The following KIFC1 variants were observed in gnomAD, a reference collection of about 807,000 sequenced individuals.
KIFC1 encodes kinesin family member C1.
Under a neutral mutation model 66.6 loss-of-function variants are expected in KIFC1, and 37 were observed. The ratio of observed to expected loss-of-function variants is 0.56; its 90% CI spans 0.43 to 0.73. The LOEUF (loss-of-function observed/expected upper bound fraction) is 0.73. KIFC1 is among the 30% of genes least tolerant of loss of function. The probability of loss-of-function intolerance (pLI) is 0.00; values close to 1 mark genes in which losing one functional copy is unlikely to be tolerated. For missense variants in KIFC1, 721 were observed against 859.8 expected (o/e 0.84, Z 2.02); for synonymous variants, 325 against 343.5 (o/e 0.95, Z 0.60).
In KIFC1 at chr6:33,400,547, T is replaced by A; in HGVS notation, c.250+2160T>A. The A allele has an allele frequency of 6.8e-7, 1 of 1,470,754 alleles. No individual in the cohort carries two copies. The highest frequency in any genetic ancestry group is 9.4e-7 in the Non-Finnish European group (1 of 1,060,130). 91.1% of individuals were successfully genotyped at this position (1,470,754 alleles called of 1,614,324 possible). A position where few individuals can be genotyped will look rare whatever the true frequency, so the allele number is the denominator to read the frequency against. ...ACCTTGATCTCGTTGGGGTCGAACTTCGGTGGCATGGTGGAGGCAGCTGGT... is the reference window on the plus strand; with the variant it reads ...ACCTTGATCTCGTTGGGGTCGAACTACGGTGGCATGGTGGAGGCAGCTGGT... On this transcript the variant is annotated intron_variant, in intron 3 of 10. Transcript: ENST00000428849. This position sits in a 1 kb window ranked among gnomAD's most constrained non-coding sequence, Gnocchi z 4.3.
chr6:33,394,424 C>A (rs1774931381), intron 1 of KIFC1, among the ~76,000 whole-genome samples: 1 of 152,134 alleles, frequency 6.6e-6, no homozygotes, highest in African/African-American at 2.4e-5. Context: ...GAGAAAGCTG[C>A]AAAAGGAGCA....
intron 3 of KIFC1, 100 bp downstream of exon 3, chr6:33,398,487 C>T: frequency 1.1e-6 from 1 of 947,438 alleles, no homozygotes; most frequent in Non-Finnish European, 1.6e-6. Context: ...TTTTTTGAGA[C>T]AGAGTCTCGC....
Position 33,403,168 on chromosome 6 carries a change from G to T in KIFC1, c.251-146G>T. On this transcript the variant is annotated intron_variant, in intron 3 of 10. Coordinates refer to ENST00000428849, the MANE Select transcript of KIFC1 (RefSeq NM_002263.4). The surrounding 1 kb of genome is among the most constrained non-coding windows in gnomAD (Gnocchi z 4.6). Reference sequence around the variant, plus strand: ...CTGGTTCTAGGGGAGGTATCATTAGGAGCTGGCCAGACTTAGGGATAAGGG... The same window carrying T: ...CTGGTTCTAGGGGAGGTATCATTAGTAGCTGGCCAGACTTAGGGATAAGGG... The T allele has an allele frequency of 1.4e-6, 1 of 735,786 alleles. No homozygotes were observed. Among genetic ancestry groups the T allele is most frequent in the East Asian group, 2.5e-5 (1 of 40,472 alleles). The allele number at this position is 735,786 out of a possible 1,614,324, so 45.6% of individuals were successfully genotyped here.
intron 1 of KIFC1, among the ~76,000 whole-genome samples, chr6:33,395,035 T>C (rs535733770): frequency 6.6e-6 from 1 of 152,288 alleles, no homozygotes; most frequent in East Asian, 1.9e-4. Flanking sequence ...TTGTATCAGA[T>C]GCTGTTTGAT....
rs745973522 is a variant in KIFC1 at position 33,405,596 on chromosome 6, A to G, written c.1501A>G (p.Asn501Asp). ...GPGSEELTVT[N>D]ARYVPVSCEK... The stretch of plus-strand genomic sequence containing the variant: ...AGGGAGTGAGGAGCTCACTGTCACC[A>G]ATGCTCGATATGTCCCTGTCTCCTG... Residue 501 changes from asparagine (N) to aspartate (D), a missense_variant, in exon 7 of 11, where the codon AAT becomes GAT. Asn to Asp is a conservative substitution (Grantham distance 23). Transcript: ENST00000428849. This position sits in a 1 kb window ranked among gnomAD's most constrained non-coding sequence, Gnocchi z 5.4. 2 of 1,542,564 alleles carry G rather than the reference A, an allele frequency of 1.3e-6. No homozygotes were observed. Among genetic ancestry groups the G allele is most frequent in the Non-Finnish European group, 1.7e-6 (2 of 1,148,000 alleles).
At chr6:33,392,991 C>T (rs1466656415) in intron 1 of KIFC1, among the ~76,000 whole-genome samples, 2 of 152,088 alleles carry the variant, frequency 1.3e-5, no homozygotes, top group African/African-American at 4.8e-5. Context: ...ATATAACTGC[C>T]AGAAGGCCGT....
At chr6:33,409,542 G>C in intron 10 of KIFC1, 104 bp from the exon 11 acceptor site, 5 of 1,170,578 alleles carry the variant, frequency 4.3e-6, no homozygotes, top group Non-Finnish European at 6.4e-6. Context: ...CCTTATTTCG[G>C]TATTTCTGAG....
At position 33,405,079 on chromosome 6, in the gene KIFC1, C is replaced by A; in HGVS notation, c.984C>A (p.Pro328=). 1 of 1,614,112 alleles carries A rather than the reference C, an allele frequency of 6.2e-7. No homozygotes were observed. The highest frequency in any genetic ancestry group is 8.5e-7 in the Non-Finnish European group (1 of 1,179,976). ...RPVLPGEPTP[P]PGLLLFPSGP... is the part of the protein sequence containing the mutation. ...TCCTGCCGGGGGAGCCCACTCCACC[C>A]CCTGGCCTCCTCCTGTTTCCCTCTG... is the stretch of plus-strand genomic sequence containing the variant. The change falls in exon 7 of 11, where the codon CCC becomes CCA. Residue 328 remains proline (P), a synonymous_variant. Coordinates refer to ENST00000428849, the MANE Select transcript of KIFC1 (RefSeq NM_002263.4). The surrounding 1 kb of genome is among the most constrained non-coding windows in gnomAD (Gnocchi z 5.4).
At position 33,398,092 on chromosome 6, in the gene KIFC1, T is replaced by A. The variant is rs768909524; in HGVS notation, c.76T>A (p.Ser26Thr). ...ELKRPLIKAP[S>T]QLPLSGSRLK... is the part of the protein sequence containing the mutation. ...GAAGAGACCTCTGATTAAGGCCCCT[T>A]CCCAGCTGCCTCTCTCAGGAAGCAG... Residue 26 changes from serine to threonine, a missense_variant, in exon 2 of 11, where the codon TCC becomes ACC. Transcript: ENST00000428849. 1.3e-4 allele frequency: 210 copies of A among 1,613,940 alleles called. No homozygotes were observed. Among genetic ancestry groups the A allele is most frequent in the Non-Finnish European group, 1.8e-4 (208 of 1,179,980 alleles).
At position 33,406,160 on chromosome 6, in the gene KIFC1, T is replaced by G; in HGVS notation, c.1537-36T>G. 1 of 1,565,944 alleles carries G rather than the reference T, an allele frequency of 6.4e-7. No homozygotes were observed. Among genetic ancestry groups the G allele is most frequent in the Non-Finnish European group, 8.7e-7 (1 of 1,152,164 alleles). On this transcript the variant is annotated intron_variant, in intron 7 of 10. Transcript: ENST00000428849. This position sits in a 1 kb window ranked among gnomAD's most constrained non-coding sequence, Gnocchi z 4.5. ...ATACATATTACTATGTACTGACTTC[T>G]GCCTGCCTTTTTGCCCCTTCTGCTC...
At chr6:33,408,720 T>A (rs978873835) in intron 10 of KIFC1, among the ~76,000 whole-genome samples, 1 of 152,246 alleles carries the variant, frequency 6.6e-6, no homozygotes, top group South Asian at 2.1e-4. Flanking sequence ...TTTTATTTTT[T>A]TTGAGACAGG....
Position 33,405,788 on chromosome 6 carries a change from G to A in KIFC1, c.1536+157G>A, listed in dbSNP as rs113834694. On this transcript the variant is annotated intron_variant, in intron 7 of 10. Transcript: ENST00000428849. The surrounding 1 kb of genome is among the most constrained non-coding windows in gnomAD (Gnocchi z 5.4). Reference sequence around the variant, plus strand: ...ATCCGGTTTTGGCCTGTGGGCTGTCGGTAGATCTGCCTTAACCTGGGAGTG... The same window carrying A: ...ATCCGGTTTTGGCCTGTGGGCTGTCAGTAGATCTGCCTTAACCTGGGAGTG... Among the ~76,000 whole-genome samples, 1 of 152,150 alleles carries A rather than the reference G, an allele frequency of 6.6e-6. No individual in the cohort carries two copies. Among genetic ancestry groups the A allele is most frequent in the Non-Finnish European group, 1.5e-5 (1 of 68,034 alleles).
rs144828671 is a variant in KIFC1, at chr6:33,405,055, C to G, written c.960C>G (p.Val320=). The change falls in exon 7 of 11, where the codon GTC becomes GTG. Residue 320 remains valine, a synonymous_variant. Transcript: ENST00000428849. The surrounding 1 kb of genome is among the most constrained non-coding windows in gnomAD (Gnocchi z 5.4). The part of the protein sequence containing the change: ...NIRVFCRVRP[V]LPGEPTPPPG... ...GTGTATTCTGCCGGGTCCGCCCTGT[C>G]CTGCCGGGGGAGCCCACTCCACCCC... 4 of 1,614,008 alleles carry G rather than the reference C, an allele frequency of 2.5e-6. No individual in the cohort carries two copies. In the African/African-American group the frequency reaches 4.0e-5, roughly 16 times the overall value.
chr6:33,391,933 C>A lies in KIFC1; in HGVS notation c.-53C>A. ...AGAACGCGAGTCCCAGGATCCCCGG[C>A]ACCCAGTTCTCTTCCACTGCATTCC... On this transcript the variant is annotated 5_prime_UTR_variant, in exon 1 of 11. Coordinates refer to ENST00000428849, the MANE Select transcript of KIFC1 (RefSeq NM_002263.4). The A allele has an allele frequency of 2.5e-6, 4 of 1,610,618 alleles. No homozygotes were observed. In the South Asian group the frequency reaches 4.4e-5, roughly 18 times the overall value.
In KIFC1 at chr6:33,406,238, G is replaced by A. The variant is rs1775646320; in HGVS notation, c.1579G>A (p.Ala527Thr). The A allele has an allele frequency of 1.2e-6, 2 of 1,613,376 alleles. No individual in the cohort carries two copies. Among genetic ancestry groups the A allele is most frequent in the Non-Finnish European group, 1.7e-6 (2 of 1,179,764 alleles). ...TCTGGCCCGCCAGAATCGGGCTGTGGCCCGCACAGCCCAGAATGAACGGTC... is the reference window on the plus strand; with the variant it reads ...TCTGGCCCGCCAGAATCGGGCTGTGACCCGCACAGCCCAGAATGAACGGTC... ...LHLARQNRAV[A>T]RTAQNERSSR... The change falls in exon 8 of 11, where the codon GCC (alanine) becomes ACC (threonine). Residue 527 changes from alanine to threonine, a missense_variant. Transcript: ENST00000428849. This position sits in a 1 kb window ranked among gnomAD's most constrained non-coding sequence, Gnocchi z 4.5.
At chr6:33,393,874 G>A (rs1056557384) in intron 1 of KIFC1, among the ~76,000 whole-genome samples, 43 of 151,738 alleles carry the variant, frequency 2.8e-4, no homozygotes, top group Admixed American at 2.8e-3. Flanking sequence ...AGCCTCCCGA[G>A]TAGCTGGGAC....
In KIFC1 at chr6:33,409,726, TG is replaced by T. The variant is rs1303242554; in HGVS notation, c.*37del. The T allele has an allele frequency of 4.3e-6, 6 of 1,381,170 alleles. No individual in the cohort carries two copies. The highest frequency in any genetic ancestry group is 6.1e-6 in the Non-Finnish European group (6 of 990,082). 85.6% of individuals were successfully genotyped at this position (1,381,170 alleles called of 1,614,324 possible). A position where few individuals can be genotyped will look rare whatever the true frequency, so the allele number is the denominator to read the frequency against. On this transcript the variant is annotated 3_prime_UTR_variant, in exon 11 of 11. Transcript: ENST00000428849. Reference sequence around the variant, plus strand: ...AGATCTGTGTGTGTGTGTGTGTGTGTGTGTGTGTGTGTGTGTGTGTGTGTGT... The same window carrying T: ...AGATCTGTGTGTGTGTGTGTGTGTGTTGTGTGTGTGTGTGTGTGTGTGTGT...
intron 1 of KIFC1, among the ~76,000 whole-genome samples, chr6:33,393,737 T>C (rs1774902299): frequency 7.2e-6 from 1 of 139,780 alleles, no homozygotes; most frequent in Non-Finnish European, 1.6e-5. Flanking sequence ...TGAGCCACCG[T>C]GCCCTGCAAC....
chr6:33,392,507 T>TTC (rs756806010), intron 1 of KIFC1, among the ~76,000 whole-genome samples: 3 of 152,186 alleles, frequency 2.0e-5, no homozygotes, highest in Non-Finnish European at 4.4e-5. Context: ...AGACTTCTCA[T>TTC]TCTCTCTCTC....
Sources: gnomAD v4.1 joint callset for allele counts (sites outside exome capture counted in the v4.1 genomes callset) on GRCh38, gnomAD v4.1.1 for gene constraint, Gnocchi (gnomAD v3.1) non-coding constraint, MANE v1.5 for transcripts, NCBI Gene and HGNC (gene_info 2026-07-23, HGNC 2026-07-21) for gene names.